The following PNPLA5 variants were observed in gnomAD, a reference collection of about 807,000 sequenced individuals.
PNPLA5 encodes the protein patatin like domain 5, triacylglycerol lipase.
Under a neutral mutation model 49.1 loss-of-function variants are expected in PNPLA5, and 44 were observed. That is an observed-to-expected ratio of 0.90 (90% CI 0.70 to 1.15). The LOEUF is 1.15. Among genes scored for constraint, PNPLA5 ranks in the 50% most tolerant of loss-of-function variants. PNPLA5 has a pLI of 0.00. For missense variants in PNPLA5, 603 were observed against 564.0 expected (o/e 1.07, Z -0.70); for synonymous variants, 243 against 244.4 (o/e 0.99, Z 0.06).
chr22:43,886,478 C>T lies in PNPLA5; in HGVS notation c.774G>A (p.Lys258=), dbSNP rs1431410969. ...LRFLERRGLT[K]EPVLWTLVSK... ...ACACCAGCGTCCATAGCACTGGTTCCTTGGTGAGTCCTGGGTCAGGGGAAG... is the reference window on the plus strand; with the variant it reads ...ACACCAGCGTCCATAGCACTGGTTCTTTGGTGAGTCCTGGGTCAGGGGAAG... Residue 258 remains lysine, a synonymous_variant, in exon 6 of 9, where the codon AAG becomes AAA. Transcript: ENST00000216177. 1 of 1,612,760 alleles carries T rather than the reference C, an allele frequency of 6.2e-7. No individual in the cohort carries two copies. The highest frequency in any genetic ancestry group is 8.5e-7 in the Non-Finnish European group (1 of 1,179,504).
At position 43,891,257 on chromosome 22, in the gene PNPLA5, C is replaced by T; in HGVS notation, c.231G>A (p.Gln77=). ...GGATGCTTAGGCTCAGCCGCTCCAACTGCCCAACCATGCCCAGGAGGTGGG... is the reference window on the plus strand; with the variant it reads ...GGATGCTTAGGCTCAGCCGCTCCAATTGCCCAACCATGCCCAGGAGGTGGG... The part of the protein sequence containing the change: ...CCSHLLGMVG[Q]LERLSLSILH... The change falls in exon 2 of 9, where the codon CAG becomes CAA. Residue 77 remains glutamine (Q), a synonymous_variant. Coordinates refer to ENST00000216177, the MANE Select transcript of PNPLA5 (RefSeq NM_138814.4). The T allele has an allele frequency of 1.3e-6, 2 of 1,559,644 alleles. No homozygotes were observed. The highest frequency in any genetic ancestry group is 1.7e-6 in the Non-Finnish European group (2 of 1,150,970).
chr22:43,887,762 A>G, intron 4 of PNPLA5, 111 bp from the exon 5 acceptor site: 4 of 1,532,932 alleles, frequency 2.6e-6, no homozygotes, highest in East Asian at 2.5e-5. Flanking sequence ...AGCCCAGCCT[A>G]TTCTCCCCAA....
Position 43,889,420 on chromosome 22 carries a change from A to G in PNPLA5, c.611T>C (p.Leu204Pro). ...GAAGTTGAAGACGTTCAGCTCATGCAGGTTGGGGGAGGTGCTCTGGGGGCA... is the reference window on the plus strand; with the variant it reads ...GAAGTTGAAGACGTTCAGCTCATGCGGGTTGGGGGAGGTGCTCTGGGGGCA... ...DICPQSTSPN[L>P]HELNVFNFSF... Residue 204 changes from leucine to proline, a missense_variant, in exon 4 of 9, where the codon CTG (leucine) becomes CCG (proline). Transcript: ENST00000216177. The G allele has an allele frequency of 6.2e-7, 1 of 1,614,030 alleles. No homozygotes were observed. Among genetic ancestry groups the G allele is most frequent in the East Asian group, 2.2e-5 (1 of 44,876 alleles).
intron 4 of PNPLA5, among the ~76,000 whole-genome samples, chr22:43,888,689 C>T (rs1344414413): frequency 1.3e-5 from 2 of 152,086 alleles, no homozygotes; most frequent in Admixed American, 6.5e-5. Context: ...CCAGCCTTGG[C>T]CTCCCAAAGT....
At chr22:43,889,777 CG>C (rs2049704033) in intron 3 of PNPLA5, 21 bp downstream of exon 3, 1 of 1,608,856 alleles carries the variant, frequency 6.2e-7, no homozygotes, top group Non-Finnish European at 8.5e-7. Context: ...GAGCACAGAA[CG>C]GGGTTCCAGA....
At chr22:43,881,012 G>T (rs1200760033) in intron 8 of PNPLA5, 127 bp from the exon 9 acceptor site, 1 of 1,237,778 alleles carries the variant, frequency 8.1e-7, no homozygotes, top group East Asian at 3.1e-5. Flanking sequence ...TCTGAGGGAG[G>T]ACATGTGGAC....
intron 7 of PNPLA5, 67 bp downstream of exon 7, chr22:43,884,146 C>T: frequency 7.0e-7 from 1 of 1,432,694 alleles, no homozygotes; most frequent in African/African-American, 1.5e-5. Flanking sequence ...CCAGCCGCCC[C>T]TCCTGCCATG....
chr22:43,885,251 G>T (rs567604233), intron 6 of PNPLA5, among the ~76,000 whole-genome samples: 3 of 152,160 alleles, frequency 2.0e-5, no homozygotes, highest in Non-Finnish European at 4.4e-5. Flanking sequence ...ACAGGTCCCC[G>T]CCCATTTCTG....
chr22:43,882,248 T>G (rs923243053), intron 7 of PNPLA5, among the ~76,000 whole-genome samples: 2 of 151,756 alleles, frequency 1.3e-5, no homozygotes, highest in African/African-American at 4.8e-5. Context: ...GGTTCCCCAC[T>G]GCCTCCATGA....
At chr22:43,886,894 C>T (rs752930506) in intron 5 of PNPLA5, among the ~76,000 whole-genome samples, 3 of 152,152 alleles carry the variant, frequency 2.0e-5, no homozygotes, top group Non-Finnish European at 2.9e-5. Context: ...ATTAAGCGCT[C>T]GCCAAATGCC....
Position 43,880,532 on chromosome 22 carries a change from T to G in PNPLA5, c.*263A>C, listed in dbSNP as rs1417969552. Reference sequence around the variant, plus strand: ...GCCCTCCTAGTCCCCCCGTGGAAATTCTGAAAGTAAGACATGTGTCTCTGT... The same window carrying G: ...GCCCTCCTAGTCCCCCCGTGGAAATGCTGAAAGTAAGACATGTGTCTCTGT... On this transcript the variant is annotated 3_prime_UTR_variant, in exon 9 of 9. Coordinates refer to ENST00000216177, the MANE Select transcript of PNPLA5 (RefSeq NM_138814.4). 1 of 398,100 alleles carries G rather than the reference T, an allele frequency of 2.5e-6. No homozygotes were observed. The highest frequency in any genetic ancestry group is 3.7e-5 in the East Asian group (1 of 27,360). 24.7% of individuals were successfully genotyped at this position (398,100 alleles called of 1,614,324 possible). A position where few individuals can be genotyped will look rare whatever the true frequency, so the allele number is the denominator to read the frequency against.
In PNPLA5 at chr22:43,891,882, G is replaced by A; in HGVS notation, c.-2C>T. ...GCCCTCCTCCTCTAAGAAGCCCATG[G>A]CGGGTGGACCGGGCGGGGTGATCGG... is the stretch of plus-strand genomic sequence containing the variant. On this transcript the variant is annotated 5_prime_UTR_variant, in exon 1 of 9. Coordinates refer to ENST00000216177, the MANE Select transcript of PNPLA5 (RefSeq NM_138814.4). The A allele has an allele frequency of 6.6e-7, 1 of 1,509,668 alleles. No individual in the cohort carries two copies. 93.5% of individuals were successfully genotyped at this position (1,509,668 alleles called of 1,614,324 possible).
chr22:43,889,663 G>A (rs966821675), intron 3 of PNPLA5, 125 bp from the exon 4 acceptor site: 31 of 1,515,674 alleles, frequency 2.0e-5, no homozygotes, highest in Admixed American at 4.5e-5. Context: ...GAGGCTGAAC[G>A]CCCCCCAGGA....
chr22:43,880,382 C>G lies in PNPLA5; in HGVS notation c.*413G>C, dbSNP rs1282382906. ...TGAGAAAGTCTGGGGGGAGCACCCC[C>G]ACCCCATCATCTCAGTTGGCTCCTC... On this transcript the variant is annotated 3_prime_UTR_variant, in exon 9 of 9. Transcript: ENST00000216177. 5 of 398,646 alleles carry G rather than the reference C, an allele frequency of 1.3e-5. No individual in the cohort carries two copies. The highest frequency in any genetic ancestry group is 2.2e-5 in the Non-Finnish European group (5 of 226,188). The allele number at this position is 398,646 out of a possible 1,614,324, so 24.7% of individuals were successfully genotyped here.
rs577164380 is a variant in PNPLA5 at position 43,887,716 on chromosome 22, C to T, written c.703-65G>A. 10 of 1,556,626 alleles carry T rather than the reference C, an allele frequency of 6.4e-6. No individual in the cohort carries two copies. In the African/African-American group the frequency reaches 8.2e-5, roughly 13 times the overall value. ...GGACCTACCCCTCGAGTGGATGTCA[C>T]AGGCCAGAGACTTATCTTCAACTGG... On this transcript the variant is annotated intron_variant, in intron 4 of 8. Coordinates refer to ENST00000216177, the MANE Select transcript of PNPLA5 (RefSeq NM_138814.4).
chr22:43,888,383 TG>T (rs1569507383), intron 4 of PNPLA5, among the ~76,000 whole-genome samples: 2 of 114,874 alleles, frequency 1.7e-5, no homozygotes, highest in Non-Finnish European at 3.7e-5. Context: ...TGTGTGTGTG[TG>T]TGTGTGTGTG....
chr22:43,890,615 C>G (rs924148659), intron 2 of PNPLA5, among the ~76,000 whole-genome samples: 1 of 152,228 alleles, frequency 6.6e-6, no homozygotes, highest in Non-Finnish European at 1.5e-5. Flanking sequence ...CCCCCAGAAC[C>G]ACTGAGCATA....
Position 43,887,594 on chromosome 22 carries a change from G to C in PNPLA5, c.760C>G (p.Arg254Gly). ...CCACTGTGGGACTGCCACCTACCAC[G>C]TCTCTCCAGGAACCTCAGGGCATCC... is the stretch of plus-strand genomic sequence containing the variant. ...YLDALRFLER[R>G]GLTKEPVLWT... Residue 254 changes from arginine to glycine, a missense_variant, in exon 5 of 9, where the codon CGT becomes GGT. Arg to Gly is a moderately radical substitution (Grantham distance 125). Transcript: ENST00000216177. 1 of 1,610,412 alleles carries C rather than the reference G, an allele frequency of 6.2e-7. No individual in the cohort carries two copies. The highest frequency in any genetic ancestry group is 8.5e-7 in the Non-Finnish European group (1 of 1,178,288).
chr22:43,883,293 G>A (rs1050588650), intron 7 of PNPLA5, among the ~76,000 whole-genome samples: 1 of 152,210 alleles, frequency 6.6e-6, no homozygotes, highest in Non-Finnish European at 1.5e-5. Flanking sequence ...GTAGTTACAG[G>A]TGAGTGTGTG....
Sources: allele counts gnomAD v4.1 joint callset (sites outside exome capture counted in the v4.1 genomes callset), GRCh38; gene constraint gnomAD v4.1.1; transcripts MANE v1.5; gene names NCBI Gene and HGNC (gene_info 2026-07-23, HGNC 2026-07-21).